USP11: variants seen among roughly 807,000 people sequenced by gnomAD.
The protein encoded by USP11 is ubiquitin specific peptidase 11, also known as ubiquitin carboxyl-terminal hydrolase 11.
A neutral mutation model predicts 72.8 loss-of-function variants in USP11; 5 were observed. That is an observed-to-expected ratio of 0.07 (90% confidence interval 0.04 to 0.14). The LOEUF is 0.14. Among genes scored for constraint, USP11 ranks in the 10% least tolerant of loss-of-function variants. The pLI, the probability that USP11 is intolerant of heterozygous loss-of-function variation, is 1.00. For missense variants in USP11, 480 were observed against 794.7 expected (o/e 0.60, Z 4.76); for synonymous variants, 368 against 326.5 (o/e 1.13, Z -1.37).
At position 47,245,348 on chromosome X, in the gene USP11, TTGTC is replaced by T. The variant is rs771745565; in HGVS notation, c.2158-18_2158-15del. On this transcript the variant is annotated intron_variant, in intron 16 of 20. Transcript: ENST00000377107. ...TCTGTCCTCACAGCCGGCCATCTGG[TTGTC>T]TGTTCACCCAATCCTAGGGCTACGT... 2.5e-6 allele frequency: 3 copies of T among 1,184,384 alleles called. No homozygotes were observed. The East Asian group carries it at 8.9e-5, about 35-fold the overall frequency.
Position 47,233,094 on chromosome X carries a change from G to A in USP11, c.51G>A (p.Ala17=). 1 of 1,198,186 alleles carries A rather than the reference G, an allele frequency of 8.3e-7. No individual in the cohort carries two copies. The highest frequency in any genetic ancestry group is 1.1e-6 in the Non-Finnish European group (1 of 888,174). The change falls in exon 1 of 21, where the codon GCG becomes GCA. Residue 17 remains alanine (A), a synonymous_variant. Transcript: ENST00000377107. The part of the protein sequence containing the change: ...NPAAAAAAVA[A]AAAVTEDREP... ...CTGCTGCTGCGGCGGCTGTGGCGGC[G>A]GCAGCGGCGGTGACTGAGGATAGAG...
At position 47,242,734 on chromosome X, in the gene USP11, G is replaced by A. The variant is rs191059050; in HGVS notation, c.1583+14G>A. The A allele has an allele frequency of 1.2e-4, 138 of 1,164,905 alleles. No homozygotes were observed. In the African/African-American group the frequency reaches 2.4e-3, roughly 20 times the overall value. On this transcript the variant is annotated intron_variant, in intron 12 of 20. Transcript: ENST00000377107. ...TGATATCTTCGTGTGAGTGGGGATGGCAGGGAGGTGGTGGTTCCTCAGGAA... is the reference window on the plus strand; with the variant it reads ...TGATATCTTCGTGTGAGTGGGGATGACAGGGAGGTGGTGGTTCCTCAGGAA...
chrX:47,245,263 G>T, intron 16 of USP11, 107 bp from the exon 17 acceptor site: 1 of 918,967 alleles, frequency 1.1e-6, no homozygotes. Context: ...CTTCAAAGTC[G>T]GTGCTCTGAC....
chrX:47,236,481 A>C (rs1439016564), intron 1 of USP11, among the ~76,000 whole-genome samples: 1 of 112,241 alleles, frequency 8.9e-6, no homozygotes, highest in Non-Finnish European at 1.9e-5. Flanking sequence ...GTAGTTAATT[A>C]ATTTGGTCAT....
rs371419131 is a variant in USP11 at position 47,233,012 on chromosome X, G to C, written c.-32G>C. 2 of 1,210,362 alleles carry C rather than the reference G, an allele frequency of 1.7e-6. No individual in the cohort carries two copies. Among genetic ancestry groups the C allele is most frequent in the African/African-American group, 3.5e-5 (2 of 57,290 alleles). ...GAGGGGCGTCTTCCAATCTCGCACA[G>C]CTGCGTTGGCTGTAGAAGAGAACGG... is the stretch of plus-strand genomic sequence containing the variant. On this transcript the variant is annotated 5_prime_UTR_variant, in exon 1 of 21. Transcript: ENST00000377107.
At position 47,239,090 on chromosome X, in the gene USP11, G is replaced by T; in HGVS notation, c.197G>T (p.Trp66Leu). Reference sequence around the variant, plus strand: ...CCCAGGTTCCTTGTGGAGAAGCACTGGTATAAGCAGTGGGAGGCATACGTG... The same window carrying T: ...CCCAGGTTCCTTGTGGAGAAGCACTTGTATAAGCAGTGGGAGGCATACGTG... The part of the protein sequence containing the change: ...GESWFLVEKH[W>L]YKQWEAYVQG... The change falls in exon 2 of 21, where the codon TGG (tryptophan) becomes TTG (leucine). Residue 66 changes from tryptophan (W) to leucine (L), a missense_variant. By Grantham distance (61) the Trp-to-Leu change is moderately conservative. Transcript: ENST00000377107. 8.3e-7 allele frequency: 1 copy of T among 1,209,788 alleles called. No individual in the cohort carries two copies. The highest frequency in any genetic ancestry group is 1.1e-6 in the Non-Finnish European group (1 of 894,535).
intron 16 of USP11, 31 bp downstream of exon 16, chrX:47,245,117 TC>T (rs1323638273): frequency 8.4e-7 from 1 of 1,196,614 alleles, no homozygotes; most frequent in Non-Finnish European, 1.1e-6. Flanking sequence ...GGGGGGTACT[TC>T]CAGCTCTTGC....
At position 47,242,213 on chromosome X, in the gene USP11, C is replaced by T. The variant is rs748250295; in HGVS notation, c.1311C>T (p.Pro437=). ...GCAATGTATCTGTGACCTTCGACCC[C>T]TTCTGCTACCTCAGTGTTCCACTGC... ...DCGNVSVTFD[P]FCYLSVPLPI... Residue 437 remains proline, a synonymous_variant, in exon 10 of 21, where the codon CCC becomes CCT. Transcript: ENST00000377107. 3 of 1,210,502 alleles carry T rather than the reference C, an allele frequency of 2.5e-6. No individual in the cohort carries two copies. The highest frequency in any genetic ancestry group is 3.5e-5 in the South Asian group (2 of 56,767).
chrX:47,241,145 G>T, intron 7 of USP11, 132 bp from the exon 8 acceptor site: 1 of 702,603 alleles, frequency 1.4e-6, no homozygotes, highest in East Asian at 3.5e-5. Context: ...CTACTCTCCT[G>T]CTCCTCTCTC....
chrX:47,239,682 G>A (rs1174964736), intron 3 of USP11, 108 bp from the exon 4 acceptor site: 9 of 991,904 alleles, frequency 9.1e-6, no homozygotes, highest in Non-Finnish European at 8.5e-6. Context: ...GTATATGTGT[G>A]TTTGTATGCT....
Position 47,247,633 on chromosome X carries a change from G to T in USP11, c.2559G>T (p.Lys853Asn). ...DGHYTTFACN[K>N]DSGQWHYFDD... is the part of the protein sequence containing the mutation. ...CAGACACAACATTTGCCTGCAACAAGGACAGCGGCCAGTGGCACTACTTTG... is the reference window on the plus strand; with the variant it reads ...CAGACACAACATTTGCCTGCAACAATGACAGCGGCCAGTGGCACTACTTTG... The change falls in exon 20 of 21, where the codon AAG becomes AAT. Residue 853 changes from lysine to asparagine, a missense_variant. Physicochemically the swap from Lys to Asn is moderately conservative, Grantham distance 94. Coordinates refer to ENST00000377107, the MANE Select transcript of USP11 (RefSeq NM_001371072.1). The T allele has an allele frequency of 8.3e-7, 1 of 1,211,333 alleles. No individual in the cohort carries two copies. Among genetic ancestry groups the T allele is most frequent in the South Asian group, 1.8e-5 (1 of 56,951 alleles).
chrX:47,242,335 G>T, intron 10 of USP11, 29 bp downstream of exon 10: 1 of 1,205,875 alleles, frequency 8.3e-7, no homozygotes. Context: ...CTGGGGAGAT[G>T]ATGATGGACA....
At chrX:47,245,511 G>A in intron 17 of USP11, 29 bp downstream of exon 17, 2 of 1,051,262 alleles carry the variant, frequency 1.9e-6, no homozygotes, top group Non-Finnish European at 2.6e-6. Context: ...GCCTGTGTGT[G>A]GGGGTTTCAT....
intron 17 of USP11, 62 bp downstream of exon 17, chrX:47,245,544 C>CTTTTTT: frequency 3.7e-6 from 2 of 543,184 alleles, no homozygotes; most frequent in Non-Finnish European, 5.6e-6. Context: ...CTATATTTAG[C>CTTTTTT]TTTTTTTTTT....
intron 1 of USP11, among the ~76,000 whole-genome samples, chrX:47,238,676 A>G (rs1482026665): frequency 9.0e-6 from 1 of 110,619 alleles, no homozygotes; most frequent in Admixed American, 9.6e-5. Flanking sequence ...ATGAATGGCT[A>G]AAGCCTTATA....
intron 9 of USP11, 118 bp downstream of exon 9, chrX:47,241,817 G>C: frequency 1.1e-6 from 1 of 913,877 alleles, no homozygotes; most frequent in South Asian, 2.6e-5. Context: ...TTCTCTACCT[G>C]ACCTCAACTC....
intron 1 of USP11, among the ~76,000 whole-genome samples, chrX:47,237,043 A>C (rs1474771414): frequency 3.6e-5 from 4 of 112,265 alleles, no homozygotes; most frequent in Non-Finnish European, 5.6e-5. Flanking sequence ...AATCTATAGA[A>C]GTTCAGCCTG....
Position 47,247,859 on chromosome X carries a change from G to A in USP11, c.2692G>A (p.Gly898Ser), listed in dbSNP as rs377378154. The change falls in exon 21 of 21, where the codon GGC becomes AGC. Residue 898 changes from glycine (G) to serine (S), a missense_variant. Transcript: ENST00000377107. Reference protein sequence around the residue: ...DVARRLLSPAGSSGAPASPAC... With the variant: ...DVARRLLSPASSSGAPASPAC... ...GGCGCGACGCCTGCTGTCCCCGGCC[G>A]GCTCATCTGGCGCCCCAGCCTCCCC... is the stretch of plus-strand genomic sequence containing the variant. 5.7e-5 allele frequency: 68 copies of A among 1,203,298 alleles called. No individual in the cohort carries two copies. The highest frequency in any genetic ancestry group is 8.9e-5 in the East Asian group (3 of 33,600).
At chrX:47,246,027 C>T (rs941557610) in intron 17 of USP11, among the ~76,000 whole-genome samples, 13 of 111,364 alleles carry the variant, frequency 1.2e-4, no homozygotes, top group Non-Finnish European at 2.3e-4. Flanking sequence ...CTCAGGTCTC[C>T]GATCAAATGT....
Sources: allele counts gnomAD v4.1 joint callset (sites outside exome capture counted in the v4.1 genomes callset), GRCh38; gene constraint gnomAD v4.1.1; transcripts MANE v1.5; gene names NCBI Gene and HGNC (gene_info 2026-07-23, HGNC 2026-07-21).